The following ZC3H12A variants were observed in gnomAD, a reference collection of about 807,000 sequenced individuals.
The protein encoded by ZC3H12A is zinc finger CCCH-type containing 12A.
Under a neutral mutation model 29.9 loss-of-function variants are expected in ZC3H12A, and 9 were observed. That is an observed-to-expected ratio of 0.30 (90% CI 0.18 to 0.53). ZC3H12A has a LOEUF of 0.53. Among genes scored for constraint, ZC3H12A ranks in the 20% least tolerant of loss-of-function variants. ZC3H12A has a pLI of 0.96. For synonymous variants in ZC3H12A, 323 were observed against 338.1 expected, an observed-to-expected ratio of 0.96 and a Z score of 0.49; for missense variants, 617 against 799.0, an observed-to-expected ratio of 0.77 and a Z score of 2.75.
At chr1:37,482,367 C>T (rs749413608) in intron 4 of ZC3H12A, 67 bp from the exon 5 acceptor site, 3 of 1,378,838 alleles carry the variant, frequency 2.2e-6, no homozygotes, top group South Asian at 1.3e-5. Flanking sequence ...TGCCATCGGC[C>T]CCTTCTCAGC....
At chr1:37,477,478 C>G (rs574621830) in intron 2 of ZC3H12A, among the ~76,000 whole-genome samples, 1 of 152,120 alleles carries the variant, frequency 6.6e-6, no homozygotes, top group Admixed American at 6.5e-5. Flanking sequence ...GGTTCCTGCC[C>G]GGCCACCCCC....
Position 37,478,067 on chromosome 1 carries a change from G to A in ZC3H12A, c.443+2128G>A, listed in dbSNP as rs754436084. ...TGTGCCCGGAGGGAGGCAGGTGGGCGGATACATGCGCACACTGCATACCTG... is the reference window on the plus strand; with the variant it reads ...TGTGCCCGGAGGGAGGCAGGTGGGCAGATACATGCGCACACTGCATACCTG... On this transcript the variant is annotated intron_variant, in intron 2 of 5. Coordinates refer to ENST00000373087, the MANE Select transcript of ZC3H12A (RefSeq NM_025079.3). The surrounding 1 kb of genome is among the most constrained non-coding windows in gnomAD (Gnocchi z 5.2). 2.6e-5 allele frequency among the ~76,000 whole-genome samples: 4 copies of A among 152,178 alleles called. No individual in the cohort carries two copies. Among genetic ancestry groups the A allele is most frequent in the Admixed American group, 6.5e-5 (1 of 15,288 alleles).
Position 37,483,336 on chromosome 1 carries a change from T to C in ZC3H12A, c.1525T>C (p.Phe509Leu), listed in dbSNP as rs774605394. The C allele has an allele frequency of 6.2e-7, 1 of 1,614,092 alleles. No homozygotes were observed. The highest frequency in any genetic ancestry group is 1.7e-5 in the Admixed American group (1 of 60,024). Reference sequence around the variant, plus strand: ...CGACTACCCACCCGCGCCCCCTGCCTTTCCACCTCGAGAGTACTGGTCTGA... The same window carrying C: ...CGACTACCCACCCGCGCCCCCTGCCCTTCCACCTCGAGAGTACTGGTCTGA... ...PADYPPAPPA[F>L]PPREYWSEPY... The change falls in exon 6 of 6, where the codon TTT becomes CTT. Residue 509 changes from phenylalanine (F) to leucine (L), a missense_variant. Physicochemically the swap from Phe to Leu is conservative, Grantham distance 22 (BLOSUM62 0). This residue lies in a region of ZC3H12A where 172 missense variants were observed against 203.1 expected (regional missense o/e 0.85). Coordinates refer to ENST00000373087, the MANE Select transcript of ZC3H12A (RefSeq NM_025079.3).
intron 2 of ZC3H12A, among the ~76,000 whole-genome samples, chr1:37,477,435 C>T (rs1361089760): frequency 2.0e-5 from 3 of 152,172 alleles, no homozygotes; most frequent in African/African-American, 4.8e-5. Context: ...GAGGGGAATT[C>T]CAGCCTCAAA....
At chr1:37,474,827 C>T (rs1216909557) in intron 1 of ZC3H12A, among the ~76,000 whole-genome samples, 198 bp downstream of exon 1, 1 of 152,114 alleles carries the variant, frequency 6.6e-6, no homozygotes, top group African/African-American at 2.4e-5. Context: ...TTGGGAGAGC[C>T]GGGGAAGAGC....
rs760516841 is a variant in ZC3H12A at position 37,475,805 on chromosome 1, C to T, written c.309C>T (p.Cys103=). The T allele has an allele frequency of 2.5e-6, 4 of 1,611,570 alleles. No homozygotes were observed. Among genetic ancestry groups the T allele is most frequent in the South Asian group, 1.1e-5 (1 of 90,994 alleles). The part of the protein sequence containing the change: ...ERERQTSPDP[C]PQLPLVPRGG... ...AGCGCCAGACCTCACCGGACCCCTG[C>T]CCTCAGCTCCCTCTAGTCCCGCGGG... Residue 103 remains cysteine, a synonymous_variant, in exon 2 of 6, where the codon TGC becomes TGT. Transcript: ENST00000373087. This position sits in a 1 kb window ranked among gnomAD's most constrained non-coding sequence, Gnocchi z 5.2.
rs1479430346 is a variant in ZC3H12A, at chr1:37,476,093, AG to A, written c.443+156del. Among the ~76,000 whole-genome samples the A allele has an allele frequency of 1.3e-5, 2 of 152,142 alleles. No individual in the cohort carries two copies. Among genetic ancestry groups the A allele is most frequent in the East Asian group, 3.9e-4 (2 of 5,182 alleles). ...CTAGAGGGAGGGAAAGCCTTTTATG[AG>A]GCTAGGGTCGCGCTACTGGTAAGTG... is the stretch of plus-strand genomic sequence containing the variant. On this transcript the variant is annotated intron_variant, in intron 2 of 5. Coordinates refer to ENST00000373087, the MANE Select transcript of ZC3H12A (RefSeq NM_025079.3). The surrounding 1 kb of genome is among the most constrained non-coding windows in gnomAD (Gnocchi z 6.0).
intron 4 of ZC3H12A, among the ~76,000 whole-genome samples, 173 bp downstream of exon 4, chr1:37,482,008 G>A (rs1364075151): frequency 6.6e-6 from 1 of 152,192 alleles, no homozygotes; most frequent in East Asian, 1.9e-4. Context: ...CACCACATAG[G>A]AGAAATCAGA....
chr1:37,475,980 T>C lies in ZC3H12A; in HGVS notation c.443+41T>C. The C allele has an allele frequency of 1.4e-6, 2 of 1,468,702 alleles. No homozygotes were observed. Among genetic ancestry groups the C allele is most frequent in the Non-Finnish European group, 1.8e-6 (2 of 1,113,370 alleles). The allele number at this position is 1,468,702 out of a possible 1,614,324, so 91.0% of individuals were successfully genotyped here. ...GTGGCCAGGACACATGAGGTTCGCA[T>C]CTCTCCTGTGGCCAGGACACATGGA... On this transcript the variant is annotated intron_variant, in intron 2 of 5. Coordinates refer to ENST00000373087, the MANE Select transcript of ZC3H12A (RefSeq NM_025079.3). This position sits in a 1 kb window ranked among gnomAD's most constrained non-coding sequence, Gnocchi z 5.2.
intron 2 of ZC3H12A, among the ~76,000 whole-genome samples, chr1:37,477,461 G>A (rs534586476): frequency 6.6e-6 from 1 of 152,302 alleles, no homozygotes; most frequent in African/African-American, 2.4e-5. Context: ...TGTCTCAGCT[G>A]CTACTCGGTT....
chr1:37,482,577 C>G, intron 5 of ZC3H12A, 37 bp downstream of exon 5: 2 of 1,611,280 alleles, frequency 1.2e-6, no homozygotes, highest in Non-Finnish European at 1.7e-6. Flanking sequence ...GCCCTCCTCA[C>G]TCCTGCCCTT....
Position 37,479,903 on chromosome 1 carries a change from C to A in ZC3H12A, c.444-387C>A, listed in dbSNP as rs1438072558. Reference sequence around the variant, plus strand: ...GGTGGGGCAGGAACCAGAAGTCTCGCGGCACCTTTCCCCCACCCCCAGGTG... The same window carrying A: ...GGTGGGGCAGGAACCAGAAGTCTCGAGGCACCTTTCCCCCACCCCCAGGTG... On this transcript the variant is annotated intron_variant, in intron 2 of 5. Transcript: ENST00000373087. The surrounding 1 kb of genome is among the most constrained non-coding windows in gnomAD (Gnocchi z 4.5). 1.2e-5 allele frequency: 12 copies of A among 1,013,128 alleles called. No individual in the cohort carries two copies. The South Asian group carries it at 1.2e-4, about 10-fold the overall frequency. 62.8% of individuals were successfully genotyped at this position (1,013,128 alleles called of 1,614,324 possible). A position where few individuals can be genotyped will look rare whatever the true frequency, so the allele number is the denominator to read the frequency against.
intron 2 of ZC3H12A, among the ~76,000 whole-genome samples, chr1:37,477,649 G>T (rs539046009): frequency 2.8e-4 from 43 of 152,340 alleles, no homozygotes; most frequent in Non-Finnish European, 5.7e-4. Flanking sequence ...CTGTCCTGGG[G>T]CAGGAGCAGC....
chr1:37,477,487 C>T (rs114335443), intron 2 of ZC3H12A, among the ~76,000 whole-genome samples: 1 of 152,180 alleles, frequency 6.6e-6, no homozygotes, highest in Non-Finnish European at 1.5e-5. Flanking sequence ...CCGGCCACCC[C>T]CCCTCCCCAG....
At chr1:37,481,356 G>C (rs1194805238) in intron 3 of ZC3H12A, among the ~76,000 whole-genome samples, 1 of 152,256 alleles carries the variant, frequency 6.6e-6, no homozygotes, top group Non-Finnish European at 1.5e-5. Flanking sequence ...CCAGCTCTGT[G>C]CTTGGAGCCT....
At chr1:37,474,887 C>T (rs1377293267) in intron 1 of ZC3H12A, among the ~76,000 whole-genome samples, 3 of 152,140 alleles carry the variant, frequency 2.0e-5, no homozygotes, top group Non-Finnish European at 4.4e-5. Context: ...GGTCTCGGGC[C>T]GGGACAGCCT....
Position 37,480,341 on chromosome 1 carries a change from C to G in ZC3H12A, c.495C>G (p.Asn165Lys). Residue 165 changes from asparagine to lysine, a missense_variant, in exon 3 of 6, where the codon AAC becomes AAG. Transcript: ENST00000373087. ...FSCRGILLAVNWFLERGHTDI... is the reference protein window; with the variant it reads ...FSCRGILLAVKWFLERGHTDI... ...GCCGGGGCATCCTGCTGGCAGTGAA[C>G]TGGTTTCTGGAGCGGGGCCACACAG... 6.2e-7 allele frequency: 1 copy of G among 1,614,066 alleles called. No homozygotes were observed. Among genetic ancestry groups the G allele is most frequent in the Non-Finnish European group, 8.5e-7 (1 of 1,179,964 alleles).
chr1:37,482,350 C>G, intron 4 of ZC3H12A, 84 bp from the exon 5 acceptor site: 1 of 1,214,360 alleles, frequency 8.2e-7, no homozygotes, highest in Non-Finnish European at 1.2e-6. Flanking sequence ...TTCTTCCCAG[C>G]AAGGCTTGCC....
Position 37,478,421 on chromosome 1 carries a change from A to G in ZC3H12A, c.444-1869A>G, listed in dbSNP as rs1359973833. Among the ~76,000 whole-genome samples, 1 of 152,222 alleles carries G rather than the reference A, an allele frequency of 6.6e-6. No individual in the cohort carries two copies. Among genetic ancestry groups the G allele is most frequent in the Non-Finnish European group, 1.5e-5 (1 of 68,036 alleles). ...ATCTTCTGTTAGAGACAGGAAGGCA[A>G]CCGAGTGGCCCAGACCTGGGTTCGA... On this transcript the variant is annotated intron_variant, in intron 2 of 5. Transcript: ENST00000373087. This position sits in a 1 kb window ranked among gnomAD's most constrained non-coding sequence, Gnocchi z 5.2.
Sources: allele counts gnomAD v4.1 joint callset (sites outside exome capture counted in the v4.1 genomes callset), GRCh38; gene constraint gnomAD v4.1.1; regional missense constraint gnomAD v4.1.1; non-coding constraint Gnocchi (gnomAD v3.1); transcripts MANE v1.5; gene names NCBI Gene and HGNC (gene_info 2026-07-23, HGNC 2026-07-21).